Variants in MYO16 observed in about 807,000 individuals in gnomAD.
The protein encoded by MYO16 is unconventional myosin-XVI.
In MYO16, 94 loss-of-function variants were observed where a neutral mutation model predicts 205.3. The observed-to-expected ratio is 0.46, with a 90% CI of 0.39 to 0.54. MYO16 has a LOEUF of 0.54. MYO16 is among the 20% of genes least tolerant of loss of function. MYO16 has a pLI of 0.00. For missense variants in MYO16, 2,315 were observed against 2,387.5 expected (o/e 0.97, Z 0.63); for synonymous variants, 988 against 954.0 (o/e 1.04, Z -0.66).
intron 9 of MYO16, among the ~76,000 whole-genome samples, chr13:108,833,417 T>TG (rs1876727759): frequency 1.3e-5 from 2 of 152,156 alleles, no homozygotes; most frequent in East Asian, 1.9e-4. Context: ...TTTTCTACGG[T>TG]GAAAAATTGA....
chr13:108,549,016 C>G, the MYO16 span, among the ~76,000 whole-genome samples: 2 of 152,098 alleles, frequency 1.3e-5, no homozygotes, highest in Non-Finnish European at 2.9e-5. Flanking sequence ...TCCCACAGCA[C>G]TGTGTTCAGA....
At chr13:108,611,706 T>G (rs1294015222) in intron 1 of MYO16, among the ~76,000 whole-genome samples, 1 of 152,136 alleles carries the variant, frequency 6.6e-6, no homozygotes, top group Non-Finnish European at 1.5e-5. Context: ...TAGTCCAGTT[T>G]AATGGTCTTC....
the MYO16 span, among the ~76,000 whole-genome samples, chr13:108,576,217 G>A: frequency 6.6e-6 from 1 of 152,288 alleles, no homozygotes; most frequent in East Asian, 1.9e-4. Context: ...GGTCAGATGT[G>A]GAAATTCTGC....
At chr13:108,587,148 G>A in the MYO16 span, among the ~76,000 whole-genome samples, 2 of 152,154 alleles carry the variant, frequency 1.3e-5, no homozygotes, top group Non-Finnish European at 2.9e-5. Context: ...AACCTTGTGT[G>A]GGAAAACAGG....
At chr13:108,594,293 T>C (rs918950800), upstream of MYO16, among the ~76,000 whole-genome samples, 1 of 152,190 alleles carries the variant, frequency 6.6e-6, no homozygotes, top group Admixed American at 6.5e-5. Context: ...ATCCTGTAAG[T>C]CCCTCTTGCT....
chr13:108,853,237 G>C (rs2139095261), intron 10 of MYO16, among the ~76,000 whole-genome samples: 1 of 152,244 alleles, frequency 6.6e-6, no homozygotes, highest in African/African-American at 2.4e-5. Flanking sequence ...TGAAAAAGTT[G>C]ATATCAAACA....
At chr13:108,870,710 C>G (rs196162) in intron 12 of MYO16, among the ~76,000 whole-genome samples, 119,423 of 151,806 alleles carry the variant, frequency 0.79, 47,107 homozygotes, top group East Asian at 0.97. Flanking sequence ...ATTTTGAGTG[C>G]CTTCTTTTTA....
intron 27 of MYO16, among the ~76,000 whole-genome samples, chr13:109,080,963 A>G (rs549995320): frequency 2.0e-5 from 3 of 152,302 alleles, no homozygotes; most frequent in African/African-American, 7.2e-5. Flanking sequence ...GATCAGAGAA[A>G]TTATACATAA....
chr13:109,028,755 A>T (rs1485102145), intron 23 of MYO16, among the ~76,000 whole-genome samples: 1 of 151,384 alleles, frequency 6.6e-6, no homozygotes, highest in East Asian at 1.9e-4. Context: ...TACAGATAAA[A>T]TTGTAATCTC....
In MYO16 at chr13:109,127,781, C is replaced by T. The variant is rs1876336840; in HGVS notation, c.4051+231C>T. 6.6e-6 allele frequency among the ~76,000 whole-genome samples: 1 copy of T among 151,826 alleles called. No homozygotes were observed. Among genetic ancestry groups the T allele is most frequent in the African/African-American group, 2.4e-5 (1 of 41,288 alleles). On this transcript the variant is annotated intron_variant, in intron 31 of 34. Transcript: ENST00000457511. The surrounding 1 kb of genome is among the most constrained non-coding windows in gnomAD (Gnocchi z 4.2). ...GGCATTTCCTTAACTCCCATCCCCACCCTGCCTCCAAAGAGCAGTATCAAA... is the reference window on the plus strand; with the variant it reads ...GGCATTTCCTTAACTCCCATCCCCATCCTGCCTCCAAAGAGCAGTATCAAA...
At chr13:108,957,383 CAAA>C (rs33954239) in intron 16 of MYO16, among the ~76,000 whole-genome samples, 2 of 96,938 alleles carry the variant, frequency 2.1e-5, no homozygotes, top group South Asian at 3.9e-4. Context: ...AACTCCATCT[CAAA>C]AAAAAAAAAA....
chr13:108,742,035 T>TA (rs976128420), intron 4 of MYO16, among the ~76,000 whole-genome samples: 1 of 152,162 alleles, frequency 6.6e-6, no homozygotes, highest in African/African-American at 2.4e-5. Context: ...ACTTTGTTGC[T>TA]AAGCTGGAGT....
chr13:109,054,365 A>G (rs1887347075), intron 25 of MYO16: 3 of 355,380 alleles, frequency 8.4e-6, no homozygotes, highest in Non-Finnish European at 1.7e-5. Flanking sequence ...AGGAAAGGGA[A>G]GAAAAACATG....
chr13:109,087,101 A>G (rs2139681557), intron 27 of MYO16, among the ~76,000 whole-genome samples: 1 of 152,278 alleles, frequency 6.6e-6, no homozygotes, highest in South Asian at 2.1e-4. Context: ...TCTTAATTCA[A>G]CCCTTGCCAC....
intron 4 of MYO16, among the ~76,000 whole-genome samples, chr13:108,736,041 T>C (rs1212010103): frequency 6.6e-6 from 1 of 152,216 alleles, no homozygotes; most frequent in East Asian, 1.9e-4. Flanking sequence ...ATCCTGGATA[T>C]TAGCCCTTTG....
chr13:109,021,638 A>G (rs112004660), intron 23 of MYO16, among the ~76,000 whole-genome samples: 2,574 of 152,252 alleles, frequency 0.017, 74 homozygotes, highest in African/African-American at 0.059. Flanking sequence ...ACCAGGATGC[A>G]TGGGCGATGC....
At chr13:108,611,766 T>G (rs1299233415) in intron 1 of MYO16, among the ~76,000 whole-genome samples, 4 of 151,940 alleles carry the variant, frequency 2.6e-5, no homozygotes, top group Admixed American at 1.3e-4. Flanking sequence ...TAAGCTAGGG[T>G]ACTGTGCTCC....
chr13:109,083,903 C>A (rs1210353870), intron 27 of MYO16, among the ~76,000 whole-genome samples: 1 of 152,132 alleles, frequency 6.6e-6, no homozygotes, highest in Non-Finnish European at 1.5e-5. Context: ...GCATCTATTT[C>A]TATTCTGTAA....
chr13:109,154,910 T>TAAAAAAAAAAA (rs1486846712), intron 32 of MYO16, among the ~76,000 whole-genome samples: 1 of 28,938 alleles, frequency 3.5e-5, no homozygotes, highest in African/African-American at 1.5e-4. Context: ...CGGCTAATTA[T>TAAAAAAAAAAA]GAAAAAAAAA....
Sources: gnomAD v4.1 joint callset for allele counts (sites outside exome capture counted in the v4.1 genomes callset) on GRCh38, gnomAD v4.1.1 for gene constraint, Gnocchi (gnomAD v3.1) non-coding constraint, MANE v1.5 for transcripts, NCBI Gene and HGNC (gene_info 2026-07-23, HGNC 2026-07-21) for gene names.